Variants in NRG3 observed in about 807,000 individuals in gnomAD.
NRG3 encodes neuregulin 3, also known as pro-neuregulin-3, membrane-bound isoform.
NRG3 carries 31 observed loss-of-function variants against 66.9 expected under a neutral mutation model. The observed-to-expected ratio is 0.46, with a 90% CI of 0.35 to 0.63. NRG3 has a LOEUF of 0.63. Among genes scored for constraint, NRG3 ranks in the 20% least tolerant of loss-of-function variants. The pLI is 0.00. For synonymous variants in NRG3, 393 were observed against 359.4 expected, an observed-to-expected ratio of 1.09 and a Z score of -1.06; for missense variants, 910 against 878.9, an observed-to-expected ratio of 1.04 and a Z score of -0.45.
chr10:82,025,787 G>A (rs753979645), intron 1 of NRG3, among the ~76,000 whole-genome samples: 10 of 152,178 alleles, frequency 6.6e-5, no homozygotes, highest in South Asian at 4.1e-4. Flanking sequence ...TTTGTAAATA[G>A]CTTGTTTTGG....
chr10:82,864,721 G>A (rs544141313), intron 3 of NRG3, among the ~76,000 whole-genome samples: 11 of 152,282 alleles, frequency 7.2e-5, no homozygotes, highest in African/African-American at 2.2e-4. Flanking sequence ...CTATATGCAC[G>A]TAGAACAGAC....
intron 3 of NRG3, among the ~76,000 whole-genome samples, chr10:82,753,003 A>G (rs2134964440): frequency 6.6e-6 from 1 of 152,350 alleles, no homozygotes; most frequent in South Asian, 2.1e-4. Context: ...TACTTTAAGT[A>G]GTATATAGAA....
At chr10:81,996,289 C>T (rs2060936110) in intron 1 of NRG3, among the ~76,000 whole-genome samples, 1 of 152,118 alleles carries the variant, frequency 6.6e-6, no homozygotes, top group East Asian at 1.9e-4. Context: ...TGTCTGAAGT[C>T]TATAGTGTAT....
chr10:81,927,093 T>G (rs1564663927), intron 1 of NRG3, among the ~76,000 whole-genome samples: 1 of 152,272 alleles, frequency 6.6e-6, no homozygotes, highest in East Asian at 1.9e-4. Flanking sequence ...TAAAAATAAA[T>G]TACTAGAGAA....
Position 82,979,120 on chromosome 10 carries a change from G to C in NRG3, c.1583G>C (p.Gly528Ala), listed in dbSNP as rs1261711436. ...IPDQDTIPCQ[G>A]YSSSGLKTQR... Reference sequence around the variant, plus strand: ...GACCAGGATACGATACCTTGCCAAGGGTAGGTCTTAAAACAGCAGTGGAAT... The same window carrying C: ...GACCAGGATACGATACCTTGCCAAGCGTAGGTCTTAAAACAGCAGTGGAAT... The change falls in exon 8 of 9, where the codon GGG (glycine) becomes GCG (alanine). Residue 528 changes from glycine (G) to alanine (A), a missense_variant and splice_region_variant. Coordinates refer to ENST00000372141, the MANE Select transcript of NRG3 (RefSeq NM_001010848.4). 6.2e-7 allele frequency: 1 copy of C among 1,613,730 alleles called. No homozygotes were observed. The highest frequency in any genetic ancestry group is 1.3e-5 in the African/African-American group (1 of 74,898).
intron 3 of NRG3, among the ~76,000 whole-genome samples, chr10:82,849,261 G>A (rs1196794872): frequency 6.6e-6 from 1 of 152,158 alleles, no homozygotes; most frequent in Non-Finnish European, 1.5e-5. Flanking sequence ...TGAACCATCA[G>A]AAGCTAGGAG....
intron 2 of NRG3, among the ~76,000 whole-genome samples, chr10:82,643,034 C>T (rs963957372): frequency 6.6e-6 from 1 of 152,044 alleles, no homozygotes; most frequent in Non-Finnish European, 1.5e-5. Flanking sequence ...TTATTATACT[C>T]TTCTGCCTAC....
At chr10:82,241,102 C>A (rs1333563516) in intron 1 of NRG3, among the ~76,000 whole-genome samples, 2 of 152,032 alleles carry the variant, frequency 1.3e-5, no homozygotes, top group African/African-American at 2.4e-5. Context: ...TTATACTTTT[C>A]TATGAACATT....
intron 3 of NRG3, among the ~76,000 whole-genome samples, chr10:82,818,997 A>G (rs180833127): frequency 1.3e-5 from 2 of 152,368 alleles, no homozygotes; most frequent in Non-Finnish European, 2.9e-5. Flanking sequence ...TTGAAAAGAA[A>G]AAAATTTTAA....
chr10:82,935,850 A>C (rs962191031), intron 4 of NRG3, among the ~76,000 whole-genome samples: 1 of 151,364 alleles, frequency 6.6e-6, no homozygotes, highest in African/African-American at 2.4e-5. Context: ...GCAACAACAT[A>C]TTGAATCTTA....
intron 1 of NRG3, among the ~76,000 whole-genome samples, chr10:82,338,496 T>A (rs7918769): frequency 0.38 from 58,170 of 152,038 alleles, 16,288 homozygotes; most frequent in African/African-American, 0.78. Flanking sequence ...GGAGGCAGAC[T>A]TGCCTTATTA....
chr10:82,013,757 G>A (rs1225900289), intron 1 of NRG3, among the ~76,000 whole-genome samples: 1 of 151,902 alleles, frequency 6.6e-6, no homozygotes, highest in East Asian at 1.9e-4. Flanking sequence ...TATACTACAT[G>A]CAATTATATG....
chr10:82,532,263 C>T (rs532310424), intron 2 of NRG3, among the ~76,000 whole-genome samples: 22 of 151,558 alleles, frequency 1.5e-4, no homozygotes, highest in African/African-American at 5.1e-4. Flanking sequence ...TGTTTGTAAC[C>T]ATTTTAGACA....
chr10:82,329,589 C>A (rs763170592), intron 1 of NRG3, among the ~76,000 whole-genome samples: 1 of 151,968 alleles, frequency 6.6e-6, no homozygotes, highest in Non-Finnish European at 1.5e-5. Context: ...AAAAGCAAGG[C>A]TGTTTTTAGA....
intron 2 of NRG3, among the ~76,000 whole-genome samples, chr10:82,735,560 T>C (rs1186194966): frequency 2.0e-5 from 3 of 152,284 alleles, no homozygotes; most frequent in East Asian, 3.9e-4. Flanking sequence ...ATATACACCA[T>C]GGAATACTAT....
intron 2 of NRG3, among the ~76,000 whole-genome samples, chr10:82,582,008 A>G (rs1222168319): frequency 6.6e-6 from 1 of 152,060 alleles, no homozygotes; most frequent in Non-Finnish European, 1.5e-5. Flanking sequence ...ATAGTATCGA[A>G]TCAATATTTC....
intron 1 of NRG3, among the ~76,000 whole-genome samples, chr10:82,316,792 G>A (rs1335849849): frequency 6.6e-6 from 1 of 152,076 alleles, no homozygotes; most frequent in East Asian, 1.9e-4. Flanking sequence ...TCTTTCCTAG[G>A]CCGAGCTGTA....
At chr10:82,344,079 A>G (rs1286303283) in intron 1 of NRG3, among the ~76,000 whole-genome samples, 1 of 146,090 alleles carries the variant, frequency 6.8e-6, no homozygotes, top group South Asian at 2.1e-4. Context: ...TTTTTTTATT[A>G]TACTTTAAGT....
chr10:82,840,647 T>A (rs1474092772), intron 3 of NRG3, among the ~76,000 whole-genome samples: 1 of 152,140 alleles, frequency 6.6e-6, no homozygotes, highest in East Asian at 1.9e-4. Flanking sequence ...ACCTCAAATC[T>A]CAGTGCATTA....
Sources: allele counts gnomAD v4.1 joint callset (sites outside exome capture counted in the v4.1 genomes callset), GRCh38; gene constraint gnomAD v4.1.1; transcripts MANE v1.5; gene names NCBI Gene and HGNC (gene_info 2026-07-23, HGNC 2026-07-21).